Variants in LRP2 observed in about 807,000 individuals in gnomAD.
LRP2 encodes low-density lipoprotein receptor-related protein 2.
In LRP2, 172 loss-of-function variants were observed where a neutral mutation model predicts 531.0. The ratio of observed to expected loss-of-function variants is 0.32; its 90% CI spans 0.29 to 0.37. LRP2 has a LOEUF of 0.37. LRP2 is among the 10% of genes least tolerant of loss of function. The pLI is 1.00. For synonymous variants in LRP2, 1,992 were observed against 2,027.6 expected, an observed-to-expected ratio of 0.98 and a Z score of 0.47; for missense variants, 5,167 against 5,868.3, an observed-to-expected ratio of 0.88 and a Z score of 3.90.
intron 1 of LRP2, among the ~76,000 whole-genome samples, chr2:169,359,599 G>T (rs1358246939): frequency 6.6e-6 from 1 of 152,066 alleles, no homozygotes; most frequent in Non-Finnish European, 1.5e-5. Flanking sequence ...AAATCTCAAC[G>T]TATCAGGCAG....
At chr2:169,169,871 A>G (rs1237249351) in intron 59 of LRP2, 53 bp from the exon 60 acceptor site, 6 of 1,218,594 alleles carry the variant, frequency 4.9e-6, no homozygotes, top group Admixed American at 1.7e-5. Context: ...TCAGACAGAT[A>G]TTAGGTACCT....
chr2:169,151,990 G>C (rs369788681), intron 67 of LRP2, among the ~76,000 whole-genome samples: 1 of 152,194 alleles, frequency 6.6e-6, no homozygotes, highest in East Asian at 1.9e-4. Flanking sequence ...CTCCAGGAGA[G>C]TAGTGTCTCC....
chr2:169,264,835 G>A (rs753626227), intron 16 of LRP2, among the ~76,000 whole-genome samples: 1 of 151,934 alleles, frequency 6.6e-6, no homozygotes, highest in South Asian at 2.1e-4. Context: ...TGAGTGTCAC[G>A]CCACTCCTCT....
At chr2:169,236,945 G>A (rs1689627686) in intron 28 of LRP2, among the ~76,000 whole-genome samples, 158 bp downstream of exon 28, 1 of 152,204 alleles carries the variant, frequency 6.6e-6, no homozygotes, top group Admixed American at 6.5e-5. Flanking sequence ...AGATGAAGGA[G>A]AGATAGCAAC....
At chr2:169,266,693 T>C (rs1464669491) in intron 16 of LRP2, among the ~76,000 whole-genome samples, 1 of 152,066 alleles carries the variant, frequency 6.6e-6, no homozygotes, top group Non-Finnish European at 1.5e-5. Flanking sequence ...ATTTTATTAC[T>C]ATTACAAACC....
rs369600443 is a variant in LRP2 at position 169,259,028 on chromosome 2, G to A, written c.2510C>T (p.Ala837Val). Residue 837 changes from alanine (A) to valine (V), a missense_variant, in exon 17 of 79, where the codon GCC (alanine) becomes GTC (valine). By Grantham distance (64) the Ala-to-Val change is moderately conservative. Transcript: ENST00000649046. The part of the protein sequence containing the change: ...NPRSVVVHPF[A>V]GYLFFTDWFR... ...AGGAAAACATGAACACACTTACCCG[G>A]CAAAAGGATGAACTACCACCGACCG... is the stretch of plus-strand genomic sequence containing the variant. The A allele has an allele frequency of 6.2e-6, 10 of 1,612,938 alleles. No homozygotes were observed. The African/African-American group carries it at 1.2e-4, about 19-fold the overall frequency.
chr2:169,328,857 T>G (rs552851354), intron 1 of LRP2, among the ~76,000 whole-genome samples: 1 of 152,358 alleles, frequency 6.6e-6, no homozygotes, highest in African/African-American at 2.4e-5. Flanking sequence ...TGACAGCATT[T>G]GTTCACCCAG....
In LRP2 at chr2:169,294,689, A is replaced by C. The variant is rs774722822; in HGVS notation, c.449T>G (p.Leu150Arg). ...NDCQYPTCEQLTCDNGACYNT... is the reference protein window; with the variant it reads ...NDCQYPTCEQRTCDNGACYNT... Reference sequence around the variant, plus strand: ...ATAGCAGGCCCCATTGTCACAAGTAAGCTGCTCACATGTTGGGTACTCTAT... The same window carrying C: ...ATAGCAGGCCCCATTGTCACAAGTACGCTGCTCACATGTTGGGTACTCTAT... Residue 150 changes from leucine (L) to arginine (R), a missense_variant, in exon 5 of 79, where the codon CTT becomes CGT. Leu to Arg is a moderately radical substitution (Grantham distance 102). This residue lies in a region of LRP2 where 2,811 missense variants were observed against 3,058.0 expected (regional missense o/e 0.92). Coordinates refer to ENST00000649046, the MANE Select transcript of LRP2 (RefSeq NM_004525.3). 2.7e-6 allele frequency: 4 copies of C among 1,459,590 alleles called. No homozygotes were observed. The South Asian group carries it at 4.6e-5, about 17-fold the overall frequency. 90.4% of individuals were successfully genotyped at this position (1,459,590 alleles called of 1,614,324 possible).
At chr2:169,306,578 G>A (rs1287455774) in intron 4 of LRP2, among the ~76,000 whole-genome samples, 1 of 152,096 alleles carries the variant, frequency 6.6e-6, no homozygotes, top group African/African-American at 2.4e-5. Flanking sequence ...ACTGTGGTAT[G>A]CCTGAGATTA....
At chr2:169,267,090 A>C (rs905510964) in intron 16 of LRP2, among the ~76,000 whole-genome samples, 1 of 151,362 alleles carries the variant, frequency 6.6e-6, no homozygotes, top group Non-Finnish European at 1.5e-5. Context: ...GAATCTCACT[A>C]TGTTGCTCAG....
intron 30 of LRP2, among the ~76,000 whole-genome samples, chr2:169,232,722 G>A (rs978292245): frequency 6.6e-6 from 1 of 152,186 alleles, no homozygotes; most frequent in Non-Finnish European, 1.5e-5. Context: ...GTTCCAGGTA[G>A]AGGGAAGAGC....
chr2:169,196,483 AG>A (rs1305771288), intron 46 of LRP2, among the ~76,000 whole-genome samples: 1 of 152,190 alleles, frequency 6.6e-6, no homozygotes, highest in Non-Finnish European at 1.5e-5. Context: ...AAACTGGCAC[AG>A]AGAGAGAACA....
chr2:169,349,540 G>A (rs1040621515), intron 1 of LRP2, among the ~76,000 whole-genome samples: 1 of 152,120 alleles, frequency 6.6e-6, no homozygotes, highest in African/African-American at 2.4e-5. Flanking sequence ...GGAAGCAGTG[G>A]TACACCCAGA....
chr2:169,275,773 G>A (rs1683536773), intron 13 of LRP2, among the ~76,000 whole-genome samples: 2 of 151,988 alleles, frequency 1.3e-5, no homozygotes, highest in African/African-American at 4.8e-5. Context: ...AAGAAGCAAT[G>A]CCACTACCAC....
intron 33 of LRP2, among the ~76,000 whole-genome samples, chr2:169,223,511 T>C (rs1227429059): frequency 6.6e-6 from 1 of 152,190 alleles, no homozygotes; most frequent in East Asian, 1.9e-4. Context: ...AGGCAGTAGA[T>C]GTTGCCTGTT....
intron 4 of LRP2, among the ~76,000 whole-genome samples, chr2:169,302,757 C>T (rs529061020): frequency 4.8e-5 from 7 of 146,534 alleles, no homozygotes; most frequent in African/African-American, 1.5e-4. Flanking sequence ...TTTTTTTTAA[C>T]AAGTAAATTG....
intron 29 of LRP2, among the ~76,000 whole-genome samples, chr2:169,235,365 G>T (rs575695461): frequency 6.6e-6 from 1 of 151,462 alleles, no homozygotes; most frequent in Non-Finnish European, 1.5e-5. Context: ...TCAGCTTCCC[G>T]AATAGCTGAG....
At chr2:169,160,714 C>T (rs1481216653) in intron 63 of LRP2, among the ~76,000 whole-genome samples, 4 of 106,682 alleles carry the variant, frequency 3.7e-5, no homozygotes, top group Admixed American at 1.7e-4. Flanking sequence ...TAATTAAATG[C>T]CATTTGAAAA....
At chr2:169,279,239 G>T in intron 12 of LRP2, 133 bp downstream of exon 12, 1 of 705,002 alleles carries the variant, frequency 1.4e-6, no homozygotes, top group Non-Finnish European at 2.5e-6. Context: ...GCACAAAATA[G>T]ACATGGCTTC....
Sources: gnomAD v4.1 joint callset for allele counts (sites outside exome capture counted in the v4.1 genomes callset) on GRCh38, gnomAD v4.1.1 for gene constraint, gnomAD v4.1.1 regional missense constraint, MANE v1.5 for transcripts, NCBI Gene and HGNC (gene_info 2026-07-23, HGNC 2026-07-21) for gene names.